MYO5A: variants seen among roughly 807,000 people sequenced by gnomAD.
The protein encoded by MYO5A is unconventional myosin-Va.
Under a neutral mutation model 249.7 loss-of-function variants are expected in MYO5A, and 98 were observed. The observed-to-expected ratio is 0.39, with a 90% CI of 0.33 to 0.46. The LOEUF (loss-of-function observed/expected upper bound fraction) is 0.46, where lower values mean the gene tolerates loss of function less well. Ranked by LOEUF, MYO5A falls within the 20% of genes least tolerant of loss-of-function variation. MYO5A has a pLI of 0.98. For synonymous variants in MYO5A, 778 were observed against 810.6 expected, an observed-to-expected ratio of 0.96 and a Z score of 0.68; for missense variants, 1,696 against 2,308.8, an observed-to-expected ratio of 0.73 and a Z score of 5.44.
chr15:52,408,012 T>C, intron 7 of MYO5A, 47 bp downstream of exon 7: 1 of 1,236,710 alleles, frequency 8.1e-7, no homozygotes, highest in Non-Finnish European at 1.2e-6. Context: ...ACTTGGAAAT[T>C]AACAGAAAAC....
At chr15:52,389,447 T>A (rs2042115034) in intron 12 of MYO5A, 84 bp from the exon 13 acceptor site, 1 of 118,600 alleles carries the variant, frequency 8.4e-6, no homozygotes, top group Non-Finnish European at 1.9e-5. Context: ...AGATCTTTTA[T>A]TTTTTTTTTT....
At chr15:52,354,209 T>A (rs1277726789) in intron 25 of MYO5A, among the ~76,000 whole-genome samples, 195 bp from the exon 26 acceptor site, 1 of 152,238 alleles carries the variant, frequency 6.6e-6, no homozygotes, top group Non-Finnish European at 1.5e-5. Flanking sequence ...AATGAGCTGC[T>A]ACTTCTCCCC....
intron 18 of MYO5A, among the ~76,000 whole-genome samples, chr15:52,377,850 C>T (rs1394062962): frequency 2.0e-5 from 3 of 152,016 alleles, no homozygotes; most frequent in Non-Finnish European, 2.9e-5. Flanking sequence ...GGATTAAGGG[C>T]GTGAGCCACC....
intron 1 of MYO5A, among the ~76,000 whole-genome samples, chr15:52,434,967 T>C (rs928524812): frequency 6.6e-6 from 1 of 152,228 alleles, no homozygotes; most frequent in Admixed American, 6.5e-5. Context: ...CTAATTTACT[T>C]GGAGCTTTGA....
intron 25 of MYO5A, among the ~76,000 whole-genome samples, chr15:52,357,220 T>C (rs1439876418): frequency 3.3e-5 from 5 of 152,126 alleles, no homozygotes; most frequent in Admixed American, 3.3e-4. Context: ...CCATATTATA[T>C]ATTTTAATGT....
chr15:52,479,817 T>G (rs1467436508), intron 1 of MYO5A, among the ~76,000 whole-genome samples: 6 of 152,226 alleles, frequency 3.9e-5, no homozygotes, highest in African/African-American at 9.6e-5. Context: ...TGCCCAATCA[T>G]GAAAGAGCCA....
At chr15:52,352,522 C>T (rs958852498) in intron 27 of MYO5A, among the ~76,000 whole-genome samples, 8 of 152,342 alleles carry the variant, frequency 5.3e-5, no homozygotes, top group African/African-American at 1.2e-4. Context: ...TGGCTCACGC[C>T]TGTAATCCCA....
intron 37 of MYO5A, among the ~76,000 whole-genome samples, chr15:52,322,004 CGTA>C (rs1006990267): frequency 2.0e-5 from 3 of 152,142 alleles, no homozygotes; most frequent in Non-Finnish European, 2.9e-5. Flanking sequence ...TACTCTATTT[CGTA>C]GTACCCACAC....
intron 1 of MYO5A, among the ~76,000 whole-genome samples, chr15:52,459,708 C>T (rs905394116): frequency 6.6e-6 from 1 of 151,772 alleles, no homozygotes; most frequent in Admixed American, 6.6e-5. Flanking sequence ...GGGTGGCTGC[C>T]GGGCAGAGGG....
In MYO5A at chr15:52,410,784, G is replaced by A. The variant is rs1965563; in HGVS notation, c.613-308C>T. ...GCAGAGACGGGGTTTCACCATGTTG[G>A]CCAGGCTAGTCTCGAGCTCCTGACC... On this transcript the variant is annotated intron_variant, in intron 5 of 41. Coordinates refer to ENST00000399233, the MANE Select transcript of MYO5A (RefSeq NM_001382347.1). Among the ~76,000 whole-genome samples, 30,164 of 151,812 alleles carry A rather than the reference G, an allele frequency of 0.2. 3,799 individuals are homozygous for A. Among genetic ancestry groups the A allele is most frequent in the East Asian group, 0.56 (2,870 of 5,148 alleles).
At chr15:52,366,952 G>A (rs115794513) in intron 23 of MYO5A, 79 bp downstream of exon 23, 10 of 1,156,452 alleles carry the variant, frequency 8.6e-6, no homozygotes, top group Middle Eastern at 2.0e-4. Context: ...ATAATGTTGT[G>A]TAACTCATCA....
At chr15:52,424,331 AT>A in intron 4 of MYO5A, among the ~76,000 whole-genome samples, 1 of 152,314 alleles carries the variant, frequency 6.6e-6, no homozygotes, top group South Asian at 2.1e-4. Context: ...GACTAATTGA[AT>A]TTGAAAACTG....
chr15:52,522,713 C>T (rs1350595445), intron 1 of MYO5A, among the ~76,000 whole-genome samples: 3 of 152,030 alleles, frequency 2.0e-5, no homozygotes, highest in Admixed American at 6.5e-5. Flanking sequence ...AGAAGTAAGG[C>T]GGATCATCTC....
chr15:52,509,257 AC>A (rs2077341528), intron 1 of MYO5A, among the ~76,000 whole-genome samples: 1 of 152,082 alleles, frequency 6.6e-6, no homozygotes, highest in Non-Finnish European at 1.5e-5. Flanking sequence ...CAGGCATTAG[AC>A]CTAGCACCTG....
chr15:52,485,043 A>T (rs991521993), intron 1 of MYO5A, among the ~76,000 whole-genome samples: 1 of 152,092 alleles, frequency 6.6e-6, no homozygotes, highest in African/African-American at 2.4e-5. Flanking sequence ...TTTTTAAGTA[A>T]ACTGTCTGTT....
In MYO5A at chr15:52,433,165, G is replaced by A. The variant is rs2075579224; in HGVS notation, c.138+10C>T. ...TATGCCAATGACAACAAATGAAAGT[G>A]AGATCTCACCTTTCCTTCCTCGAGG... is the stretch of plus-strand genomic sequence containing the variant. On this transcript the variant is annotated intron_variant, in intron 2 of 41. Transcript: ENST00000399233. The A allele has an allele frequency of 3.2e-6, 5 of 1,561,492 alleles. No individual in the cohort carries two copies. The highest frequency in any genetic ancestry group is 4.4e-6 in the Non-Finnish European group (5 of 1,132,518).
intron 32 of MYO5A, among the ~76,000 whole-genome samples, chr15:52,339,991 C>G (rs1487853397): frequency 2.6e-5 from 4 of 152,212 alleles, no homozygotes; most frequent in Non-Finnish European, 4.4e-5. Flanking sequence ...GCACGCAGCC[C>G]TCCGTGATAA....
chr15:52,528,665 G>T, intron 1 of MYO5A, 115 bp downstream of exon 1: 2 of 1,228,744 alleles, frequency 1.6e-6, no homozygotes, highest in Non-Finnish European at 2.2e-6. Context: ...CGCTGAAGGG[G>T]ATGGCGCTGG....
chr15:52,407,742 T>A (rs1445663747), intron 7 of MYO5A, among the ~76,000 whole-genome samples: 1 of 150,180 alleles, frequency 6.7e-6, no homozygotes, highest in Non-Finnish European at 1.5e-5. Context: ...ACTCCTTTAA[T>A]TTTTTTTTTC....
Sources: allele counts gnomAD v4.1 joint callset (sites outside exome capture counted in the v4.1 genomes callset), GRCh38; gene constraint gnomAD v4.1.1; transcripts MANE v1.5; gene names NCBI Gene and HGNC (gene_info 2026-07-23, HGNC 2026-07-21).